Variants in CDH4 observed in about 807,000 individuals in gnomAD.
CDH4 encodes the protein cadherin-4.
In CDH4, 33 loss-of-function variants were observed where a neutral mutation model predicts 86.0. The ratio of observed to expected loss-of-function variants is 0.38; its 90% confidence interval spans 0.29 to 0.51. The LOEUF (loss-of-function observed/expected upper bound fraction) is 0.51. CDH4 is among the 20% of genes least tolerant of loss of function. The probability of loss-of-function intolerance (pLI) is 0.86; values close to 1 mark genes in which losing one functional copy is unlikely to be tolerated. For missense variants in CDH4, 1,114 were observed against 1,307.4 expected (o/e 0.85, Z 2.28); for synonymous variants, 555 against 549.4 (o/e 1.01, Z -0.14).
chr20:61,488,343 A>T (rs911367556), intron 2 of CDH4, among the ~76,000 whole-genome samples: 3 of 152,302 alleles, frequency 2.0e-5, no homozygotes, highest in Admixed American at 1.3e-4. Context: ...TAATTTTTTT[A>T]AAAGATCATT....
intron 2 of CDH4, among the ~76,000 whole-genome samples, chr20:61,278,200 C>T (rs1418282306): frequency 6.6e-6 from 1 of 152,214 alleles, no homozygotes; most frequent in Admixed American, 6.5e-5. Context: ...CTGAGTAACT[C>T]CATTGCCTGT....
intron 4 of CDH4, among the ~76,000 whole-genome samples, chr20:61,833,923 C>T (rs555750953): frequency 2.0e-5 from 3 of 152,358 alleles, no homozygotes; most frequent in South Asian, 2.1e-4. Context: ...TATGGGAGCA[C>T]TGCCTGGAGG....
At chr20:61,826,936 T>G (rs535016126) in intron 4 of CDH4, among the ~76,000 whole-genome samples, 1 of 151,660 alleles carries the variant, frequency 6.6e-6, no homozygotes, top group Non-Finnish European at 1.5e-5. Flanking sequence ...AAAATGTGCA[T>G]AGCTATTACC....
intron 2 of CDH4, among the ~76,000 whole-genome samples, chr20:61,642,873 C>G (rs1413690502): frequency 6.6e-6 from 1 of 152,164 alleles, no homozygotes; most frequent in East Asian, 1.9e-4. Flanking sequence ...CTGCTTCCAT[C>G]CTCGCATCTC....
At position 61,531,491 on chromosome 20, in the gene CDH4, AAAAAG is replaced by A. The variant is rs1289436263; in HGVS notation, c.170-212071_170-212067del. On this transcript the variant is annotated intron_variant, in intron 2 of 15. Transcript: ENST00000614565. Reference sequence around the variant, plus strand: ...GCATCTCAAAAAAAAAAAAAAAAAAAAAAAGGGATTTAGCAAAAGGATTTACTTCC... The same window carrying A: ...GCATCTCAAAAAAAAAAAAAAAAAAAGGATTTAGCAAAAGGATTTACTTCC... Among the ~76,000 whole-genome samples the A allele has an allele frequency of 1.3e-3, 184 of 144,552 alleles. 2 individuals carry two copies. Among genetic ancestry groups the A allele is most frequent in the Middle Eastern group, 3.4e-3 (1 of 292 alleles). 94.8% of individuals were successfully genotyped at this position (144,552 alleles called of 152,430 possible).
intron 2 of CDH4, among the ~76,000 whole-genome samples, chr20:61,514,586 T>G (rs554134748): frequency 5.7e-4 from 87 of 152,346 alleles, no homozygotes; most frequent in African/African-American, 2.0e-3. Flanking sequence ...AGGATTTTCC[T>G]TTATTTCCAT....
intron 4 of CDH4, among the ~76,000 whole-genome samples, chr20:61,795,851 A>ATGAGTGAATGAGTGAG (rs139858489): frequency 3.3e-5 from 5 of 151,522 alleles, no homozygotes; most frequent in African/African-American, 4.9e-5. Flanking sequence ...GAATGAGTGA[A>ATGAGTGAATGAGTGAG]TGAATGAATG....
intron 7 of CDH4, among the ~76,000 whole-genome samples, chr20:61,892,748 C>A (rs1387007800): frequency 6.6e-6 from 1 of 152,180 alleles, no homozygotes; most frequent in African/African-American, 2.4e-5. Flanking sequence ...CACAATTCCA[C>A]AAATTGGCAA....
At chr20:61,782,716 A>G (rs1233408822) in intron 4 of CDH4, among the ~76,000 whole-genome samples, 1 of 152,228 alleles carries the variant, frequency 6.6e-6, no homozygotes, top group Admixed American at 6.5e-5. Context: ...TAAGTGGTCC[A>G]ATATTAACTC....
intron 2 of CDH4, among the ~76,000 whole-genome samples, chr20:61,450,153 GA>G: frequency 6.6e-6 from 1 of 152,346 alleles, no homozygotes; most frequent in Non-Finnish European, 1.5e-5. Context: ...CTTCTTGAAT[GA>G]CCTTCTGTTC....
At chr20:61,423,449 C>T (rs1568838846) in intron 2 of CDH4, among the ~76,000 whole-genome samples, 1 of 152,190 alleles carries the variant, frequency 6.6e-6, no homozygotes. Flanking sequence ...TGAATTGACA[C>T]ATTGCAAAAC....
chr20:61,820,275 C>G (rs934978052), intron 4 of CDH4, among the ~76,000 whole-genome samples: 1 of 152,222 alleles, frequency 6.6e-6, no homozygotes, highest in African/African-American at 2.4e-5. Flanking sequence ...TACACAGCGA[C>G]CAGCGGCTCT....
rs190844099 is a variant in CDH4 at position 61,713,574 on chromosome 20, C to T, written c.170-29989C>T. Reference sequence around the variant, plus strand: ...TCTGCTTATGTAGCAGCACAGTTAACGGTGGATGTGCAGGTGTGAGGGGCC... The same window carrying T: ...TCTGCTTATGTAGCAGCACAGTTAATGGTGGATGTGCAGGTGTGAGGGGCC... On this transcript the variant is annotated intron_variant, in intron 2 of 15. Coordinates refer to ENST00000614565, the MANE Select transcript of CDH4 (RefSeq NM_001794.5). Among the ~76,000 whole-genome samples the T allele has an allele frequency of 1.7e-4, 26 of 152,328 alleles. No homozygotes were observed. In the East Asian group the frequency reaches 1.7e-3, roughly 10 times the overall value.
intron 2 of CDH4, among the ~76,000 whole-genome samples, chr20:61,656,555 C>T (rs887751125): frequency 1.3e-5 from 2 of 152,086 alleles, no homozygotes; most frequent in African/African-American, 4.8e-5. Context: ...GCGCAGCCTC[C>T]CCTGGCTGAG....
At chr20:61,722,844 A>G (rs937130109) in intron 2 of CDH4, among the ~76,000 whole-genome samples, 1 of 152,048 alleles carries the variant, frequency 6.6e-6, no homozygotes, top group Non-Finnish European at 1.5e-5. Flanking sequence ...GACTTCTCAG[A>G]CCCTCTGATG....
At chr20:61,279,983 G>A (rs1307713385) in intron 2 of CDH4, among the ~76,000 whole-genome samples, 1 of 152,150 alleles carries the variant, frequency 6.6e-6, no homozygotes, top group East Asian at 1.9e-4. Context: ...GTGGAGACCC[G>A]GCCCAGTGTT....
chr20:61,732,368 G>A (rs1185101244), intron 2 of CDH4, among the ~76,000 whole-genome samples: 1 of 152,106 alleles, frequency 6.6e-6, no homozygotes, highest in African/African-American at 2.4e-5. Flanking sequence ...GGAGGTGACC[G>A]CGTGCCTTGG....
At position 61,676,132 on chromosome 20, in the gene CDH4, G is replaced by C. The variant is rs546301914; in HGVS notation, c.170-67431G>C. Among the ~76,000 whole-genome samples, 76 of 152,338 alleles carry C rather than the reference G, an allele frequency of 5.0e-4. No individual in the cohort carries two copies. The highest frequency in any genetic ancestry group is 1.7e-3 in the African/African-American group (69 of 41,582). ...TCCAAGGTCTGAGACTTAATTCCAG[G>C]TTCTCTGAATGGGGCCTGCCAGTTC... is the stretch of plus-strand genomic sequence containing the variant. On this transcript the variant is annotated intron_variant, in intron 2 of 15. Coordinates refer to ENST00000614565, the MANE Select transcript of CDH4 (RefSeq NM_001794.5). This position sits in a 1 kb window ranked among gnomAD's most constrained non-coding sequence, Gnocchi z 4.5.
chr20:61,405,291 G>C (rs1417601465), intron 2 of CDH4, among the ~76,000 whole-genome samples: 1 of 151,446 alleles, frequency 6.6e-6, no homozygotes, highest in South Asian at 2.1e-4. Context: ...CCCCTCCTGT[G>C]AACTAGTGTG....
Sources: gnomAD v4.1 joint callset for allele counts (sites outside exome capture counted in the v4.1 genomes callset) on GRCh38, gnomAD v4.1.1 for gene constraint, Gnocchi (gnomAD v3.1) non-coding constraint, MANE v1.5 for transcripts, NCBI Gene and HGNC (gene_info 2026-07-23, HGNC 2026-07-21) for gene names.